Variants in ANAPC10 observed in about 807,000 individuals in gnomAD.
The protein encoded by ANAPC10 is anaphase-promoting complex subunit 10.
Under a neutral mutation model 22.0 loss-of-function variants are expected in ANAPC10, and 12 were observed. The observed-to-expected ratio is 0.55, with a 90% CI of 0.35 to 0.88. The LOEUF is 0.88. Ranked by LOEUF, ANAPC10 falls within the 40% of genes least tolerant of loss-of-function variation. The probability of loss-of-function intolerance (pLI) is 0.01; values close to 1 mark genes in which losing one functional copy is unlikely to be tolerated. For missense variants in ANAPC10, 188 were observed against 220.9 expected, an observed-to-expected ratio of 0.85 and a Z score of 0.94; for synonymous variants, 65 against 69.5, an observed-to-expected ratio of 0.94 and a Z score of 0.32.
intron 4 of ANAPC10, among the ~76,000 whole-genome samples, chr4:145,017,384 G>A (rs540034767): frequency 2.0e-5 from 3 of 152,272 alleles, no homozygotes; most frequent in Admixed American, 6.5e-5. Flanking sequence ...CATCATCACT[G>A]GTCATCAGAG....
chr4:145,033,070 G>A (rs1318823149), intron 4 of ANAPC10: 1 of 152,232 alleles, frequency 6.6e-6, no homozygotes, highest in African/African-American at 2.4e-5. Context: ...GAAGCAGCTG[G>A]ATAGACAGAA....
At chr4:145,083,181 T>C (rs559466638) in intron 2 of ANAPC10, among the ~76,000 whole-genome samples, 77 of 152,286 alleles carry the variant, frequency 5.1e-4, no homozygotes, top group African/African-American at 1.8e-3. Context: ...AACACTGATA[T>C]CACATTAACT....
intron 4 of ANAPC10, among the ~76,000 whole-genome samples, chr4:145,026,736 C>A (rs1578952839): frequency 1.2e-5 from 1 of 84,066 alleles, no homozygotes; most frequent in Non-Finnish European, 2.3e-5. Context: ...AAAGGAACTC[C>A]AAAGAGAGGC....
At chr4:145,005,364 C>A (rs1457838486) in intron 4 of ANAPC10, among the ~76,000 whole-genome samples, 3 of 151,800 alleles carry the variant, frequency 2.0e-5, no homozygotes, top group African/African-American at 7.3e-5. Flanking sequence ...CTCTTTTTTT[C>A]TTTATTAGTC....
chr4:145,018,810 A>AC (rs952572627), intron 4 of ANAPC10, among the ~76,000 whole-genome samples: 3 of 152,196 alleles, frequency 2.0e-5, no homozygotes, highest in African/African-American at 7.2e-5. Flanking sequence ...CTTATGTCAG[A>AC]CAAAACAAAC....
chr4:145,029,260 TG>T (rs577870937), intron 4 of ANAPC10, among the ~76,000 whole-genome samples: 38 of 152,292 alleles, frequency 2.5e-4, no homozygotes, highest in African/African-American at 8.7e-4. Context: ...TTTCCACCTT[TG>T]TCTGAGAAGA....
intron 4 of ANAPC10, among the ~76,000 whole-genome samples, chr4:145,009,447 C>G (rs751162628): frequency 7.4e-4 from 112 of 151,894 alleles, no homozygotes; most frequent in Non-Finnish European, 1.4e-3. Flanking sequence ...AAAACCAAAA[C>G]AGCATGGTGC....
In ANAPC10 at chr4:145,097,450, A is replaced by G. The variant is rs1469845383; in HGVS notation, c.-13+670T>C. ...GGTAGCGCAGTTACTGCTACTGAAC[A>G]TTGTTATATATGCTATTCAAAATAG... On this transcript the variant is annotated intron_variant, in intron 1 of 4. Coordinates refer to ENST00000507656, the MANE Select transcript of ANAPC10 (RefSeq NM_001256706.2). The G allele has an allele frequency of 3.1e-6, 4 of 1,281,014 alleles. No homozygotes were observed. In the Admixed American group the frequency reaches 6.9e-5, roughly 22 times the overall value. The allele number at this position is 1,281,014 out of a possible 1,614,324, so 79.4% of individuals were successfully genotyped here.
intron 4 of ANAPC10, among the ~76,000 whole-genome samples, chr4:145,039,265 G>A (rs765802979): frequency 1.1e-4 from 16 of 152,196 alleles, no homozygotes; most frequent in South Asian, 1.0e-3. Flanking sequence ...ACAGCTAAGC[G>A]ATTCTTACTG....
intron 4 of ANAPC10, among the ~76,000 whole-genome samples, chr4:145,026,945 A>ATATATATATATATATATATATG (rs1287102797): frequency 2.3e-4 from 4 of 17,152 alleles, no homozygotes; most frequent in Non-Finnish European, 4.7e-4. Flanking sequence ...ATATATATAT[A>ATATATATATATATATATATATG]TGTGTGTGTG....
chr4:145,098,339 A>T (rs1371511407), upstream of ANAPC10: 1 of 152,480 alleles, frequency 6.6e-6, no homozygotes, highest in Admixed American at 6.5e-5. Flanking sequence ...GGCCGTGAGA[A>T]CACGCTGTGT....
chr4:145,085,232 G>A lies in ANAPC10; in HGVS notation c.116-3482C>T, dbSNP rs367990392. Among the ~76,000 whole-genome samples the A allele has an allele frequency of 3.3e-4, 50 of 152,162 alleles. No homozygotes were observed. The East Asian group carries it at 3.7e-3, about 11-fold the overall frequency. ...TGACTGTACCACTGCACTCTAGCCT[G>A]GGCAACAGTGCGAGAAACGGACAAA... On this transcript the variant is annotated intron_variant, in intron 2 of 4. Transcript: ENST00000507656.
intron 4 of ANAPC10, among the ~76,000 whole-genome samples, chr4:145,006,399 G>A (rs1733366169): frequency 6.6e-6 from 1 of 151,942 alleles, no homozygotes; most frequent in Non-Finnish European, 1.5e-5. Context: ...CATGAGATAT[G>A]GGTCTCCTGA....
At chr4:145,054,315 G>T (rs1241827588) in intron 4 of ANAPC10, among the ~76,000 whole-genome samples, 3 of 150,396 alleles carry the variant, frequency 2.0e-5, no homozygotes, top group African/African-American at 7.3e-5. Flanking sequence ...ACTTTGGGAG[G>T]CCGAGGAGGG....
At chr4:145,092,957 G>T (rs1747913285) in intron 2 of ANAPC10, among the ~76,000 whole-genome samples, 1 of 152,184 alleles carries the variant, frequency 6.6e-6, no homozygotes, top group Non-Finnish European at 1.5e-5. Flanking sequence ...CAAAAGACCA[G>T]CCACAGATAC....
chr4:145,034,923 G>A lies in ANAPC10; in HGVS notation c.327+29649C>T, dbSNP rs143326300. 1.1e-4 allele frequency among the ~76,000 whole-genome samples: 17 copies of A among 152,246 alleles called. No homozygotes were observed. The East Asian group carries it at 3.3e-3, about 29-fold the overall frequency. On this transcript the variant is annotated intron_variant, in intron 4 of 4. Transcript: ENST00000507656. ...GAAGCATGGCCTTGGAACAAACATG[G>A]TGATGGATTTCAGAGAGCAGCAGCT... is the stretch of plus-strand genomic sequence containing the variant.
intron 4 of ANAPC10, among the ~76,000 whole-genome samples, chr4:145,004,170 T>A (rs1732995729): frequency 1.3e-5 from 2 of 152,198 alleles, no homozygotes; most frequent in South Asian, 4.1e-4. Context: ...GGTATGCTAC[T>A]GATTTTTGTA....
intron 4 of ANAPC10, among the ~76,000 whole-genome samples, chr4:145,005,011 T>C (rs1733132343): frequency 6.6e-6 from 1 of 152,206 alleles, no homozygotes; most frequent in African/African-American, 2.4e-5. Flanking sequence ...TGATTCAGTT[T>C]CAGAAATCAT....
intron 4 of ANAPC10, among the ~76,000 whole-genome samples, chr4:145,013,897 T>C (rs1256915480): frequency 6.6e-6 from 1 of 152,032 alleles, no homozygotes; most frequent in East Asian, 1.9e-4. Flanking sequence ...CAGAGTGAAA[T>C]ACAGGGGTAG....
Sources: gnomAD v4.1 joint callset for allele counts (sites outside exome capture counted in the v4.1 genomes callset) on GRCh38, gnomAD v4.1.1 for gene constraint, MANE v1.5 for transcripts, NCBI Gene and HGNC (gene_info 2026-07-23, HGNC 2026-07-21) for gene names.